Variants in RSU1 observed in about 807,000 individuals in gnomAD.
RSU1 encodes the protein Ras suppressor protein 1, also known as rsu-1.
RSU1 carries 26 observed loss-of-function variants against 31.1 expected under a neutral mutation model. That is an observed-to-expected ratio of 0.84 (90% CI 0.61 to 1.16). The LOEUF (loss-of-function observed/expected upper bound fraction) is 1.16, where lower values mean the gene tolerates loss of function less well. RSU1 is among the 50% of genes most tolerant of loss of function. The pLI is 0.00. For synonymous variants in RSU1, 164 were observed against 136.3 expected (o/e 1.20, Z -1.41); for missense variants, 320 against 339.1 (o/e 0.94, Z 0.44).
intron 8 of RSU1, among the ~76,000 whole-genome samples, chr10:16,614,847 A>C (rs1833949581): frequency 1.3e-5 from 2 of 152,080 alleles, no homozygotes; most frequent in Non-Finnish European, 2.9e-5. Flanking sequence ...CTCATATCTA[A>C]AATGGGCATT....
intron 1 of RSU1, 83 bp downstream of exon 1, chr10:16,817,232 G>A (rs555295961): frequency 1.1e-5 from 5 of 455,850 alleles, no homozygotes; most frequent in African/African-American, 1.2e-4. Context: ...CGGGTGCGGG[G>A]AGGGGATGGA....
chr10:16,662,754 T>C (rs770033078), intron 8 of RSU1, among the ~76,000 whole-genome samples: 2 of 152,244 alleles, frequency 1.3e-5, no homozygotes, highest in African/African-American at 2.4e-5. Flanking sequence ...ATCACTCATA[T>C]GCTAATTCAT....
intron 7 of RSU1, among the ~76,000 whole-genome samples, chr10:16,735,058 C>T (rs866678400): frequency 6.6e-6 from 1 of 152,196 alleles, no homozygotes; most frequent in Admixed American, 6.5e-5. Flanking sequence ...TGACATTAGA[C>T]TTCTAATCTC....
At position 16,774,342 on chromosome 10, in the gene RSU1, G is replaced by T. The variant is rs1837485715; in HGVS notation, c.160+7692C>A. Among the ~76,000 whole-genome samples, 4 of 152,110 alleles carry T rather than the reference G, an allele frequency of 2.6e-5. No homozygotes were observed. In the South Asian group the frequency reaches 8.3e-4, roughly 32 times the overall value. Reference sequence around the variant, plus strand: ...TAAGAAATAGCATCACTAGGCCGAGGCAAGCAGATTGCTTGAGGCCAGGAG... The same window carrying T: ...TAAGAAATAGCATCACTAGGCCGAGTCAAGCAGATTGCTTGAGGCCAGGAG... On this transcript the variant is annotated intron_variant, in intron 3 of 8. Transcript: ENST00000345264.
At chr10:16,616,975 T>C (rs1161183351) in intron 8 of RSU1, among the ~76,000 whole-genome samples, 1 of 152,182 alleles carries the variant, frequency 6.6e-6, no homozygotes, top group East Asian at 1.9e-4. Flanking sequence ...CCTATAGTAT[T>C]GGAAGCTCTG....
chr10:16,614,253 G>A (rs554488741), intron 8 of RSU1, among the ~76,000 whole-genome samples: 1 of 152,258 alleles, frequency 6.6e-6, no homozygotes, highest in African/African-American at 2.4e-5. Context: ...TGTTGTAGAT[G>A]TTAAATCAAG....
chr10:16,615,494 G>A (rs11254109), intron 8 of RSU1, among the ~76,000 whole-genome samples: 1,998 of 152,170 alleles, frequency 0.013, 37 homozygotes, highest in African/African-American at 0.045. Context: ...AAATTAAGAA[G>A]GATATTCAGG....
chr10:16,608,029 C>T (rs552979529), intron 8 of RSU1, among the ~76,000 whole-genome samples: 10 of 151,910 alleles, frequency 6.6e-5, no homozygotes, highest in Non-Finnish European at 1.3e-4. Flanking sequence ...TGGAGTTTTG[C>T]CTTGTTTCCC....
intron 7 of RSU1, among the ~76,000 whole-genome samples, chr10:16,739,466 CTTT>C (rs35664560): frequency 1.4e-4 from 13 of 94,246 alleles, no homozygotes; most frequent in East Asian, 6.8e-4. Context: ...CATTTTCTTC[CTTT>C]TTTTTTTTTT....
chr10:16,768,134 C>A (rs1837351175), intron 3 of RSU1, among the ~76,000 whole-genome samples: 1 of 152,172 alleles, frequency 6.6e-6, no homozygotes, highest in African/African-American at 2.4e-5. Flanking sequence ...ATCTATGACC[C>A]CAGCTGACCT....
At chr10:16,700,172 T>C (rs548689190) in intron 7 of RSU1, among the ~76,000 whole-genome samples, 1 of 152,256 alleles carries the variant, frequency 6.6e-6, no homozygotes, top group East Asian at 1.9e-4. Flanking sequence ...TATCACATAG[T>C]AAGCAATCGA....
intron 2 of RSU1, among the ~76,000 whole-genome samples, chr10:16,804,126 G>A (rs554595415): frequency 1.1e-4 from 17 of 152,172 alleles, no homozygotes; most frequent in Admixed American, 9.8e-4. Flanking sequence ...TTAAAACTCA[G>A]GAACACCAAC....
chr10:16,717,961 T>G (rs1836176829), intron 7 of RSU1, among the ~76,000 whole-genome samples: 1 of 151,810 alleles, frequency 6.6e-6, no homozygotes, highest in Non-Finnish European at 1.5e-5. Flanking sequence ...CTGTCTTGGG[T>G]TAAAAATATG....
chr10:16,667,064 GA>G (rs957210523), intron 8 of RSU1, among the ~76,000 whole-genome samples: 6 of 151,516 alleles, frequency 4.0e-5, no homozygotes, highest in Non-Finnish European at 7.4e-5. Flanking sequence ...AAAAAACAAA[GA>G]AAAAAACAAG....
At chr10:16,730,336 T>C (rs1479780582) in intron 7 of RSU1, among the ~76,000 whole-genome samples, 1 of 152,154 alleles carries the variant, frequency 6.6e-6, no homozygotes, top group African/African-American at 2.4e-5. Context: ...TGTATCAACT[T>C]GCACCTCATG....
At chr10:16,760,388 A>G (rs1837183474) in intron 4 of RSU1, among the ~76,000 whole-genome samples, 1 of 151,972 alleles carries the variant, frequency 6.6e-6, no homozygotes, top group Non-Finnish European at 1.5e-5. Flanking sequence ...GTGCACTTGT[A>G]ATCCCAACTA....
chr10:16,595,767 G>A lies in RSU1; in HGVS notation c.732-2271C>T, dbSNP rs536044646. Among the ~76,000 whole-genome samples the A allele has an allele frequency of 7.0e-4, 107 of 151,938 alleles. 1 individual carries two copies. In the South Asian group the frequency reaches 0.012, roughly 17 times the overall value. On this transcript the variant is annotated intron_variant, in intron 8 of 8. Transcript: ENST00000345264. ...GCAGATCACGAGGTCAAGAGATGGAGACCATCCTGGCCAACATGGTGAAAC... is the reference window on the plus strand; with the variant it reads ...GCAGATCACGAGGTCAAGAGATGGAAACCATCCTGGCCAACATGGTGAAAC...
chr10:16,757,685 G>C (rs980454332), intron 4 of RSU1, among the ~76,000 whole-genome samples: 12 of 152,188 alleles, frequency 7.9e-5, no homozygotes, highest in African/African-American at 2.4e-4. Flanking sequence ...ACTGATGAAG[G>C]CGACATGTGT....
chr10:16,641,889 G>A (rs1422671203), intron 8 of RSU1, among the ~76,000 whole-genome samples: 1 of 152,340 alleles, frequency 6.6e-6, no homozygotes, highest in African/African-American at 2.4e-5. Flanking sequence ...CCTGATCCAT[G>A]TAGCAGAGCG....
Sources: allele counts gnomAD v4.1 joint callset (sites outside exome capture counted in the v4.1 genomes callset), GRCh38; gene constraint gnomAD v4.1.1; transcripts MANE v1.5; gene names NCBI Gene and HGNC (gene_info 2026-07-23, HGNC 2026-07-21).